Variants in RHAG observed in about 807,000 individuals in gnomAD.
The protein encoded by RHAG is Rh associated glycoprotein.
A neutral mutation model predicts 42.4 loss-of-function variants in RHAG; 25 were observed. The ratio of observed to expected loss-of-function variants is 0.59; its 90% CI spans 0.43 to 0.82. RHAG has a LOEUF of 0.82. RHAG is among the 40% of genes least tolerant of loss of function. RHAG has a pLI of 0.00. For synonymous variants in RHAG, 182 were observed against 177.7 expected (o/e 1.02, Z -0.19); for missense variants, 483 against 504.6 (o/e 0.96, Z 0.41).
chr6:49,614,908 G>C lies in RHAG; in HGVS notation c.641-55C>G, dbSNP rs1041949520. The C allele has an allele frequency of 1.4e-5, 21 of 1,485,692 alleles. No individual in the cohort carries two copies. In the Admixed American group the frequency reaches 3.2e-4, roughly 22 times the overall value. 92.0% of individuals were successfully genotyped at this position (1,485,692 alleles called of 1,614,324 possible). A position where few individuals can be genotyped will look rare whatever the true frequency, so the allele number is the denominator to read the frequency against. On this transcript the variant is annotated intron_variant, in intron 4 of 9. Coordinates refer to ENST00000371175, the MANE Select transcript of RHAG (RefSeq NM_000324.3). ...TTCTGAATATGGAAGACAGTCCAGA[G>C]GATGCAGTTTGCTTTATTTATTTAT...
At chr6:49,621,062 G>A (rs893794153) in intron 1 of RHAG, among the ~76,000 whole-genome samples, 42 of 152,202 alleles carry the variant, frequency 2.8e-4, no homozygotes, top group African/African-American at 7.2e-4. Flanking sequence ...TCTGGCTTCC[G>A]AGGCACACAG....
intron 1 of RHAG, among the ~76,000 whole-genome samples, chr6:49,635,624 T>C (rs182762341): frequency 1.3e-3 from 196 of 152,252 alleles, no homozygotes; most frequent in Middle Eastern, 3.4e-3. Flanking sequence ...ACTTGGAGTC[T>C]AGTTTTCTCT....
intron 5 of RHAG, among the ~76,000 whole-genome samples, chr6:49,614,392 G>A (rs554921295): frequency 1.3e-5 from 2 of 151,342 alleles, no homozygotes; most frequent in African/African-American, 4.9e-5. Flanking sequence ...AGTAGTCACA[G>A]GGTTTCTCCA....
At chr6:49,636,457 T>C (rs1045443924) in intron 1 of RHAG, among the ~76,000 whole-genome samples, 199 bp downstream of exon 1, 6 of 152,140 alleles carry the variant, frequency 3.9e-5, no homozygotes, top group African/African-American at 1.4e-4. Flanking sequence ...GATATTTTAA[T>C]AGGAAAAAGT....
In RHAG at chr6:49,636,739, T is replaced by G. The variant is rs577677361; in HGVS notation, c.74A>C (p.Glu25Ala). ...AMIVLFGLFV[E>A]YETDQTVLEQ... The stretch of plus-strand genomic sequence containing the variant: ...GAGAACAGTCTGGTCCGTTTCATAC[T>G]CAACAAATAATCCAAATAAAACAAT... The change falls in exon 1 of 10, where the codon GAG (glutamate) becomes GCG (alanine). Residue 25 changes from glutamate (E) to alanine (A), a missense_variant. Coordinates refer to ENST00000371175, the MANE Select transcript of RHAG (RefSeq NM_000324.3). 1.2e-6 allele frequency: 2 copies of G among 1,613,994 alleles called. No homozygotes were observed. The highest frequency in any genetic ancestry group is 2.7e-5 in the African/African-American group (2 of 75,032).
At chr6:49,635,448 G>A (rs897730203) in intron 1 of RHAG, among the ~76,000 whole-genome samples, 3 of 152,028 alleles carry the variant, frequency 2.0e-5, no homozygotes, top group African/African-American at 7.2e-5. Flanking sequence ...CATGCTTAGT[G>A]CTTAATAAAA....
Position 49,630,676 on chromosome 6 carries a change from GTTA to G in RHAG, c.157+5977_157+5979del, listed in dbSNP as rs368406604. 1.5e-3 allele frequency among the ~76,000 whole-genome samples: 226 copies of G among 152,248 alleles called. 2 individuals are homozygous for G. The highest frequency in any genetic ancestry group is 0.01 in the Middle Eastern group (3 of 294). ...ACATACTATTCACTCAGATTTATCA[GTTA>G]TTAATATTTTCACACTTGCTTTCTG... On this transcript the variant is annotated intron_variant, in intron 1 of 9. Transcript: ENST00000371175.
chr6:49,615,445 A>C (rs1453139479), intron 4 of RHAG, 179 bp downstream of exon 4: 1 of 647,296 alleles, frequency 1.5e-6, no homozygotes, highest in Non-Finnish European at 2.8e-6. Flanking sequence ...CCCAGGCTGG[A>C]CTCAAACTCC....
chr6:49,627,679 C>T (rs570554635), intron 1 of RHAG, among the ~76,000 whole-genome samples: 2 of 152,332 alleles, frequency 1.3e-5, no homozygotes, highest in Admixed American at 1.3e-4. Flanking sequence ...AATTGACTCA[C>T]AGTTCCACAT....
chr6:49,612,240 C>T (rs1216006697), intron 6 of RHAG, among the ~76,000 whole-genome samples, 157 bp downstream of exon 6: 1 of 152,158 alleles, frequency 6.6e-6, no homozygotes. Flanking sequence ...AACCACTGAA[C>T]CACTGAAATG....
chr6:49,618,919 C>G lies in RHAG; in HGVS notation c.341+260G>C, dbSNP rs9473627. ...GGGAAGCCCAAGATCAAGATGCTGA[C>G]AGACTTGGTGTCTGATGAGGGCTCC... On this transcript the variant is annotated intron_variant, in intron 2 of 9. Coordinates refer to ENST00000371175, the MANE Select transcript of RHAG (RefSeq NM_000324.3). Among the ~76,000 whole-genome samples the G allele has an allele frequency of 0.23, 35,677 of 151,990 alleles. 4,588 individuals carry two copies. The highest frequency in any genetic ancestry group is 0.37 in the Admixed American group (5,665 of 15,274).
chr6:49,614,925 T>C, intron 4 of RHAG, 72 bp from the exon 5 acceptor site: 3 of 1,322,812 alleles, frequency 2.3e-6, no homozygotes, highest in Non-Finnish European at 3.2e-6. Flanking sequence ...GTTTGCTTTA[T>C]TTATTTATTT....
intron 1 of RHAG, among the ~76,000 whole-genome samples, chr6:49,630,269 T>C (rs756612239): frequency 3.5e-4 from 54 of 152,238 alleles, no homozygotes; most frequent in Non-Finnish European, 3.2e-4. Flanking sequence ...TTGTCAGTTA[T>C]TCAAATAGAC....
intron 1 of RHAG, among the ~76,000 whole-genome samples, chr6:49,622,959 C>G (rs1273326402): frequency 1.3e-5 from 2 of 151,918 alleles, no homozygotes; most frequent in Non-Finnish European, 2.9e-5. Context: ...CCTCAGCCTC[C>G]CGAGTAGCTG....
At chr6:49,629,587 C>T (rs1442004400) in intron 1 of RHAG, among the ~76,000 whole-genome samples, 1 of 151,470 alleles carries the variant, frequency 6.6e-6, no homozygotes, top group African/African-American at 2.4e-5. Flanking sequence ...GACTGGGCGC[C>T]GTGGAGCAGG....
rs1479213423 is a variant in RHAG at position 49,607,276 on chromosome 6, G to A, written c.1068-56C>T. ...CTTTCCTGGATCTCAGCCAAAGAAA[G>A]TCTCACTCACTGAGGGTGTGGATGA... On this transcript the variant is annotated intron_variant, in intron 7 of 9. Transcript: ENST00000371175. 5 of 1,432,522 alleles carry A rather than the reference G, an allele frequency of 3.5e-6. No homozygotes were observed. In the Admixed American group the frequency reaches 8.9e-5, roughly 26 times the overall value. 88.7% of individuals were successfully genotyped at this position (1,432,522 alleles called of 1,614,324 possible). A position where few individuals can be genotyped will look rare whatever the true frequency, so the allele number is the denominator to read the frequency against.
chr6:49,631,380 A>T (rs972836995), intron 1 of RHAG, among the ~76,000 whole-genome samples: 1 of 152,158 alleles, frequency 6.6e-6, no homozygotes, highest in African/African-American at 2.4e-5. Flanking sequence ...TCTCCTTTAT[A>T]TTAATTAGTA....
At chr6:49,617,705 G>A in intron 3 of RHAG, among the ~76,000 whole-genome samples, 1 of 152,070 alleles carries the variant, frequency 6.6e-6, no homozygotes, top group African/African-American at 2.4e-5. Flanking sequence ...TCACCTAGTA[G>A]TAAAAATATA....
chr6:49,630,223 CGTTT>C (rs796270490), intron 1 of RHAG, among the ~76,000 whole-genome samples: 13 of 152,296 alleles, frequency 8.5e-5, no homozygotes, highest in African/African-American at 3.1e-4. Context: ...TGTTTTATTT[CGTTT>C]GTTTGTCTGT....
Sources: allele counts gnomAD v4.1 joint callset (sites outside exome capture counted in the v4.1 genomes callset), GRCh38; gene constraint gnomAD v4.1.1; transcripts MANE v1.5; gene names NCBI Gene and HGNC (gene_info 2026-07-23, HGNC 2026-07-21).